Variants in UBE2E2 observed in about 807,000 individuals in gnomAD.
UBE2E2 encodes ubiquitin conjugating enzyme E2 E2, also known as ubiquitin-conjugating enzyme E2 E2.
In UBE2E2, 6 loss-of-function variants were observed where a neutral mutation model predicts 24.7. That is an observed-to-expected ratio of 0.24 (90% confidence interval 0.13 to 0.48). The LOEUF is 0.48. Ranked by LOEUF, UBE2E2 falls within the 20% of genes least tolerant of loss-of-function variation. The pLI is 0.99. For synonymous variants in UBE2E2, 104 were observed against 83.6 expected, an observed-to-expected ratio of 1.24 and a Z score of -1.33; for missense variants, 169 against 245.0, an observed-to-expected ratio of 0.69 and a Z score of 2.07.
intron 3 of UBE2E2, among the ~76,000 whole-genome samples, chr3:23,362,427 C>T (rs1017364505): frequency 6.6e-6 from 1 of 152,184 alleles, no homozygotes; most frequent in Non-Finnish European, 1.5e-5. Flanking sequence ...ACACTGGCAC[C>T]ATAGCACCAA....
At chr3:23,269,277 G>T (rs1184430849) in intron 3 of UBE2E2, among the ~76,000 whole-genome samples, 1 of 152,122 alleles carries the variant, frequency 6.6e-6, no homozygotes, top group Admixed American at 6.5e-5. Context: ...CCTACAAAAT[G>T]GGAGAAAATT....
chr3:23,512,041 AAGGCC>A lies in UBE2E2; in HGVS notation c.360+12305_360+12309del, dbSNP rs544655845. 9.7e-4 allele frequency among the ~76,000 whole-genome samples: 148 copies of A among 152,078 alleles called. 1 individual carries two copies. The highest frequency in any genetic ancestry group is 2.0e-3 in the Non-Finnish European group (139 of 68,000). On this transcript the variant is annotated intron_variant, in intron 4 of 5. Transcript: ENST00000396703. ...ATGTGATTAGGATCACATAGCTAATAAGGCCAGGGTCAGGATTAGAACTCCTGGCC... is the reference window on the plus strand; with the variant it reads ...ATGTGATTAGGATCACATAGCTAATAAGGGTCAGGATTAGAACTCCTGGCC...
chr3:23,590,195 T>G lies in UBE2E2; in HGVS notation c.*364T>G, dbSNP rs1460622260. The G allele has an allele frequency of 5.4e-6, 1 of 183,698 alleles. No homozygotes were observed. Among genetic ancestry groups the G allele is most frequent in the African/African-American group, 2.3e-5 (1 of 42,624 alleles). 11.4% of individuals were successfully genotyped at this position (183,698 alleles called of 1,614,324 possible). A position where few individuals can be genotyped will look rare whatever the true frequency, so the allele number is the denominator to read the frequency against. ...TATTACTGTGTGGTTTTGTTTTTTT[T>G]GTTGTTGTTTATTTGATTTTGATTT... On this transcript the variant is annotated 3_prime_UTR_variant, in exon 6 of 6. Transcript: ENST00000396703.
chr3:23,520,801 C>T (rs889547332), intron 4 of UBE2E2, among the ~76,000 whole-genome samples: 1 of 152,116 alleles, frequency 6.6e-6, no homozygotes, highest in Admixed American at 6.6e-5. Context: ...CACAACCATG[C>T]CTGGATAGTT....
chr3:23,554,928 T>C (rs917222395), intron 5 of UBE2E2, among the ~76,000 whole-genome samples: 5 of 152,024 alleles, frequency 3.3e-5, no homozygotes, highest in African/African-American at 9.7e-5. Context: ...TTTTTTTTTT[T>C]CTTTTTGAGA....
chr3:23,340,833 C>A (rs534315749), intron 3 of UBE2E2, among the ~76,000 whole-genome samples: 1 of 152,090 alleles, frequency 6.6e-6, no homozygotes, highest in African/African-American at 2.4e-5. Flanking sequence ...TCTTTAAAGT[C>A]GGTATATAAA....
Position 23,526,506 on chromosome 3 carries a change from CT to C in UBE2E2, c.361-6045del, listed in dbSNP as rs1443400034. Among the ~76,000 whole-genome samples, 5 of 152,254 alleles carry C rather than the reference CT, an allele frequency of 3.3e-5. No individual in the cohort carries two copies. The East Asian group carries it at 9.6e-4, about 29-fold the overall frequency. On this transcript the variant is annotated intron_variant, in intron 4 of 5. Transcript: ENST00000396703. ...GGCTCTTTATGTATGCCAGGCAGTGCTTTGGACATCAGTTGAAAGACAATAC... is the reference window on the plus strand; with the variant it reads ...GGCTCTTTATGTATGCCAGGCAGTGCTTGGACATCAGTTGAAAGACAATAC...
At chr3:23,339,609 A>C (rs1420447396) in intron 3 of UBE2E2, among the ~76,000 whole-genome samples, 2 of 152,102 alleles carry the variant, frequency 1.3e-5, no homozygotes, top group African/African-American at 4.8e-5. Flanking sequence ...AATTTAATGA[A>C]GGGAAGAGGA....
intron 3 of UBE2E2, among the ~76,000 whole-genome samples, chr3:23,405,251 CTGAGCCTT>C (rs749314350): frequency 6.6e-6 from 1 of 152,162 alleles, no homozygotes; most frequent in Non-Finnish European, 1.5e-5. Context: ...ATTTATGCCT[CTGAGCCTT>C]TGTATCATTT....
intron 3 of UBE2E2, among the ~76,000 whole-genome samples, chr3:23,356,274 C>A (rs56872157): frequency 1.3e-5 from 2 of 152,112 alleles, no homozygotes; most frequent in Admixed American, 6.5e-5. Flanking sequence ...AGACAGTAAC[C>A]TACAGGGCTA....
chr3:23,510,800 A>C (rs1694578198), intron 4 of UBE2E2, among the ~76,000 whole-genome samples: 1 of 152,158 alleles, frequency 6.6e-6, no homozygotes, highest in Non-Finnish European at 1.5e-5. Context: ...AGGCTCATTT[A>C]TAAAGCAGAG....
chr3:23,579,479 CAGG>C lies in UBE2E2; in HGVS notation c.509-10252_509-10250del, dbSNP rs541064162. Reference sequence around the variant, plus strand: ...GCTAGGTGGGAGGATCACTTGAGGCCAGGAGTTTGAGACCAGCCTGGGCAACAT... The same window carrying C: ...GCTAGGTGGGAGGATCACTTGAGGCCAGTTTGAGACCAGCCTGGGCAACAT... On this transcript the variant is annotated intron_variant, in intron 5 of 5. Coordinates refer to ENST00000396703, the MANE Select transcript of UBE2E2 (RefSeq NM_152653.4). Among the ~76,000 whole-genome samples, 34 of 151,148 alleles carry C rather than the reference CAGG, an allele frequency of 2.2e-4. No homozygotes were observed. In the East Asian group the frequency reaches 6.7e-3, roughly 30 times the overall value.
chr3:23,584,227 A>G (rs1042814968), intron 5 of UBE2E2, among the ~76,000 whole-genome samples: 1 of 152,132 alleles, frequency 6.6e-6, no homozygotes, highest in Non-Finnish European at 1.5e-5. Flanking sequence ...GTTGATTTGC[A>G]TGTGTTGAAC....
At chr3:23,554,899 A>G (rs373629584) in intron 5 of UBE2E2, among the ~76,000 whole-genome samples, 4 of 151,630 alleles carry the variant, frequency 2.6e-5, no homozygotes, top group East Asian at 1.9e-4. Context: ...CATATAATCC[A>G]CTGGACCTGA....
At chr3:23,305,724 A>G (rs1449259076) in intron 3 of UBE2E2, among the ~76,000 whole-genome samples, 1 of 152,006 alleles carries the variant, frequency 6.6e-6, no homozygotes, top group East Asian at 1.9e-4. Flanking sequence ...TGTAGTAACC[A>G]TTCTTTTTAT....
intron 3 of UBE2E2, chr3:23,270,834 A>G (rs189298147): frequency 5.8e-5 from 26 of 445,074 alleles, no homozygotes; most frequent in African/African-American, 3.2e-4. Flanking sequence ...TAGGTGTGCA[A>G]TTGTTTTTCT....
At chr3:23,488,188 C>G (rs1223092036) in intron 3 of UBE2E2, among the ~76,000 whole-genome samples, 3 of 148,878 alleles carry the variant, frequency 2.0e-5, no homozygotes, top group African/African-American at 7.5e-5. Context: ...ACTCTTTATA[C>G]AGATTACATT....
intron 3 of UBE2E2, among the ~76,000 whole-genome samples, chr3:23,300,642 C>A (rs1699048644): frequency 6.6e-6 from 1 of 152,194 alleles, no homozygotes; most frequent in Non-Finnish European, 1.5e-5. Context: ...AGAGTTTCTG[C>A]CGAGAGATCA....
chr3:23,284,665 C>G (rs1290665863), intron 3 of UBE2E2, among the ~76,000 whole-genome samples: 1 of 151,728 alleles, frequency 6.6e-6, no homozygotes. Context: ...AGAAGATTCT[C>G]ATTTCATTCA....
Sources: gnomAD v4.1 joint callset for allele counts (sites outside exome capture counted in the v4.1 genomes callset) on GRCh38, gnomAD v4.1.1 for gene constraint, MANE v1.5 for transcripts, NCBI Gene and HGNC (gene_info 2026-07-23, HGNC 2026-07-21) for gene names.